The following PCDHA3 variants were observed in gnomAD, a reference collection of about 807,000 sequenced individuals.
The protein encoded by PCDHA3 is protocadherin alpha-3.
In PCDHA3, 41 loss-of-function variants were observed where a neutral mutation model predicts 62.2. The ratio of observed to expected loss-of-function variants is 0.66; its 90% CI spans 0.51 to 0.86. The LOEUF (loss-of-function observed/expected upper bound fraction) is 0.86. Ranked by LOEUF, PCDHA3 falls within the 40% of genes least tolerant of loss-of-function variation. The probability of loss-of-function intolerance (pLI) is 0.00; values close to 1 mark genes in which losing one functional copy is unlikely to be tolerated. For missense variants in PCDHA3, 1,304 were observed against 1,241.2 expected, an observed-to-expected ratio of 1.05 and a Z score of -0.76; for synonymous variants, 640 against 555.4, an observed-to-expected ratio of 1.15 and a Z score of -2.14.
At chr5:140,825,623 T>C (rs2150140441) in intron 1 of PCDHA3, 11 of 151,926 alleles carry the variant, frequency 7.2e-5, no homozygotes, top group African/African-American at 1.7e-4. Context: ...GGTTTCACCA[T>C]GTTGGTCATG....
At chr5:140,842,470 G>A (rs782055761) in intron 1 of PCDHA3, 2 of 1,613,802 alleles carry the variant, frequency 1.2e-6, no homozygotes, top group South Asian at 1.1e-5. Context: ...GTGCCAACGG[G>A]CAGGTGACCT....
At chr5:140,923,362 T>C (rs1294539314) in intron 1 of PCDHA3, among the ~76,000 whole-genome samples, 1 of 152,136 alleles carries the variant, frequency 6.6e-6, no homozygotes, top group East Asian at 1.9e-4. Context: ...CCTATCTTTA[T>C]AAAATATTTT....
intron 1 of PCDHA3, among the ~76,000 whole-genome samples, chr5:140,831,987 G>A (rs1349953832): frequency 2.6e-5 from 4 of 152,118 alleles, no homozygotes; most frequent in South Asian, 2.1e-4. Flanking sequence ...CTCTCATTAC[G>A]GATTCCATAT....
At chr5:140,807,736 A>G (rs1764020545) in intron 1 of PCDHA3, 1 of 1,614,186 alleles carries the variant, frequency 6.2e-7, no homozygotes, top group African/African-American at 1.3e-5. Flanking sequence ...TGGAAAAACC[A>G]CCTGATGACG....
At chr5:140,858,580 A>C in intron 1 of PCDHA3, 1 of 1,352,736 alleles carries the variant, frequency 7.4e-7, no homozygotes, top group Non-Finnish European at 1.0e-6. Flanking sequence ...CCTTTGTAAT[A>C]TAATTTATTC....
chr5:140,828,675 T>TTA, intron 1 of PCDHA3: 1 of 1,614,212 alleles, frequency 6.2e-7, no homozygotes, highest in Non-Finnish European at 8.5e-7. Flanking sequence ...ATTGGGCTCT[T>TTA]ATTAAAGAAA....
intron 1 of PCDHA3, among the ~76,000 whole-genome samples, chr5:140,972,955 C>T (rs1450892735): frequency 6.6e-6 from 1 of 152,080 alleles, no homozygotes; most frequent in African/African-American, 2.4e-5. Context: ...AGCCACCATG[C>T]CCGGCAAAGG....
At chr5:140,824,259 T>G (rs2150133705) in intron 1 of PCDHA3, 1 of 1,319,986 alleles carries the variant, frequency 7.6e-7, no homozygotes, top group South Asian at 1.3e-5. Flanking sequence ...ATTATTGCAC[T>G]AATTCATGTA....
At position 140,858,087 on chromosome 5, in the gene PCDHA3, G is replaced by C. The variant is rs782702941; in HGVS notation, c.2394+54496G>C. ...AGCCAGGCACCCAAGGCCTCGTCGC[G>C]GGCTTCAGTGGGCGTGGCGCCCGAG... On this transcript the variant is annotated intron_variant, in intron 1 of 3. Transcript: ENST00000522353. The C allele has an allele frequency of 3.8e-6, 6 of 1,597,710 alleles. 1 individual carries two copies. Among genetic ancestry groups the C allele is most frequent in the Non-Finnish European group, 5.1e-6 (6 of 1,167,710 alleles).
intron 1 of PCDHA3, among the ~76,000 whole-genome samples, chr5:140,909,495 G>A (rs532080413): frequency 7.2e-5 from 11 of 152,278 alleles, no homozygotes; most frequent in African/African-American, 2.6e-4. Context: ...AGCTGAACGG[G>A]GATGTGGTGG....
At chr5:141,000,743 T>TAA (rs527867626) in intron 3 of PCDHA3, among the ~76,000 whole-genome samples, 3 of 145,408 alleles carry the variant, frequency 2.1e-5, no homozygotes, top group Admixed American at 6.9e-5. Context: ...CTCTGTATAT[T>TAA]AAAAAAAAAA....
At chr5:140,915,204 C>T (rs2077022161) in intron 1 of PCDHA3, among the ~76,000 whole-genome samples, 1 of 152,236 alleles carries the variant, frequency 6.6e-6, no homozygotes, top group East Asian at 1.9e-4. Flanking sequence ...ATCTTGGCCT[C>T]CCAAAGTGCT....
intron 1 of PCDHA3, chr5:140,870,723 C>A: frequency 1.9e-6 from 3 of 1,613,170 alleles, no homozygotes; most frequent in East Asian, 4.5e-5. Context: ...GCGATGCGGG[C>A]GTGCCGCCTC....
At chr5:140,827,791 G>T (rs1769410583) in intron 1 of PCDHA3, among the ~76,000 whole-genome samples, 1 of 152,224 alleles carries the variant, frequency 6.6e-6, no homozygotes, top group Non-Finnish European at 1.5e-5. Flanking sequence ...CACTGACCGT[G>T]CAAATTACAA....
intron 1 of PCDHA3, among the ~76,000 whole-genome samples, chr5:140,826,374 T>C (rs1440131639): frequency 6.6e-6 from 1 of 152,198 alleles, no homozygotes; most frequent in Non-Finnish European, 1.5e-5. Context: ...CAATAGAAAG[T>C]CAGTGATAAG....
intron 1 of PCDHA3, chr5:140,857,235 T>C: frequency 6.3e-7 from 1 of 1,598,634 alleles, no homozygotes; most frequent in Non-Finnish European, 8.6e-7. Context: ...CCGTTCAAGC[T>C]GGTGTCCACC....
intron 1 of PCDHA3, chr5:140,836,205 T>C (rs1774283455): frequency 1.2e-6 from 2 of 1,613,668 alleles, no homozygotes; most frequent in African/African-American, 2.7e-5. Flanking sequence ...CGCGTGGCTT[T>C]CGTATGAGTT....
intron 1 of PCDHA3, chr5:140,864,715 T>G (rs540368944): frequency 1.3e-5 from 2 of 152,390 alleles, no homozygotes; most frequent in Non-Finnish European, 2.9e-5. Flanking sequence ...GCTCTTCTAC[T>G]ATTTTGGGAA....
chr5:140,847,929 T>C (rs1164805160), intron 1 of PCDHA3: 1 of 151,198 alleles, frequency 6.6e-6, no homozygotes, highest in African/African-American at 2.4e-5. Context: ...CACTAGAGAT[T>C]GCAACTCCTG....
Sources: allele counts gnomAD v4.1 joint callset (sites outside exome capture counted in the v4.1 genomes callset), GRCh38; gene constraint gnomAD v4.1.1; transcripts MANE v1.5; gene names NCBI Gene and HGNC (gene_info 2026-07-23, HGNC 2026-07-21).